The following USP7 variants were observed in gnomAD, a reference collection of about 807,000 sequenced individuals.
The protein encoded by USP7 is ubiquitin C-terminal hydrolase 7.
USP7 carries 9 observed loss-of-function variants against 162.9 expected under a neutral mutation model. That is an observed-to-expected ratio of 0.06 (90% CI 0.03 to 0.10). The LOEUF (loss-of-function observed/expected upper bound fraction) is 0.10, where lower values mean the gene tolerates loss of function less well. USP7 is among the 10% of genes least tolerant of loss of function. The pLI is 1.00. For synonymous variants in USP7, 562 were observed against 475.9 expected (o/e 1.18, Z -2.35); for missense variants, 715 against 1,373.7 (o/e 0.52, Z 7.58).
intron 13 of USP7, 84 bp downstream of exon 13, chr16:8,906,342 C>G: frequency 6.7e-7 from 1 of 1,495,070 alleles, no homozygotes; most frequent in Admixed American, 2.2e-5. Context: ...GACAAGGTTC[C>G]GAGTAGGAAC....
intron 2 of USP7, among the ~76,000 whole-genome samples, chr16:8,927,246 C>T (rs1269349991): frequency 2.6e-5 from 4 of 150,996 alleles, no homozygotes; most frequent in Non-Finnish European, 5.9e-5. Context: ...CGCTTGAACC[C>T]GGGAGGCAGA....
At chr16:8,936,762 C>A in intron 1 of USP7, 3 of 1,315,098 alleles carry the variant, frequency 2.3e-6, no homozygotes, top group Non-Finnish European at 9.7e-7. Flanking sequence ...TCTTTAGGAC[C>A]AGAAACATTC....
intron 16 of USP7, 45 bp from the exon 17 acceptor site, chr16:8,902,527 AT>A (rs779324002): frequency 6.5e-7 from 1 of 1,529,244 alleles, no homozygotes; most frequent in Admixed American, 1.8e-5. Context: ...ACACGCTCAT[AT>A]TTTAGTCCTC....
At chr16:8,934,319 A>C (rs1461615159) in intron 1 of USP7, among the ~76,000 whole-genome samples, 1 of 152,194 alleles carries the variant, frequency 6.6e-6, no homozygotes, top group Non-Finnish European at 1.5e-5. Context: ...AGATGCAGTG[A>C]AATCAGACTG....
At chr16:8,951,609 A>G (rs1899554707) in intron 1 of USP7, among the ~76,000 whole-genome samples, 2 of 152,222 alleles carry the variant, frequency 1.3e-5, no homozygotes, top group Admixed American at 1.3e-4. Flanking sequence ...GCATGAGGCT[A>G]TACTTAGGTC....
intron 1 of USP7, among the ~76,000 whole-genome samples, chr16:8,939,240 C>T (rs1898919539): frequency 6.6e-6 from 1 of 152,220 alleles, no homozygotes; most frequent in African/African-American, 2.4e-5. Context: ...CCTCCAGTGG[C>T]CCTGTTACGA....
At chr16:8,955,772 C>CA (rs1899773041) in intron 1 of USP7, among the ~76,000 whole-genome samples, 1 of 151,548 alleles carries the variant, frequency 6.6e-6, no homozygotes, top group African/African-American at 2.4e-5. Context: ...ATTTATTCCC[C>CA]AAAGTCTTAT....
intron 2 of USP7, among the ~76,000 whole-genome samples, chr16:8,928,736 C>A (rs1898154240): frequency 6.6e-6 from 1 of 152,178 alleles, no homozygotes; most frequent in Non-Finnish European, 1.5e-5. Context: ...TACGCTTTTT[C>A]CATCAAGGAG....
rs567490269 is a variant in USP7, at chr16:8,897,090, G to C, written c.2728C>G (p.Leu910Val). Residue 910 changes from leucine (L) to valine (V), a missense_variant, in exon 26 of 31, where the codon CTA becomes GTA. Physicochemically the swap from Leu to Val is conservative, Grantham distance 32. Transcript: ENST00000344836. ...ACACACCCATGCTTGTCTGGATATA[G>C]TGTTATTTCCTAAGTAATGAAAAGA... ...NSQFREEEITLYPDKHGCVRD... is the reference protein window; with the variant it reads ...NSQFREEEITVYPDKHGCVRD... The C allele has an allele frequency of 6.2e-7, 1 of 1,611,376 alleles. No individual in the cohort carries two copies. Among genetic ancestry groups the C allele is most frequent in the Non-Finnish European group, 8.5e-7 (1 of 1,177,572 alleles).
chr16:8,916,350 T>C (rs1234277985), intron 8 of USP7, 152 bp downstream of exon 8: 15 of 731,980 alleles, frequency 2.0e-5, no homozygotes, highest in Non-Finnish European at 2.6e-5. Context: ...CCTTTATAAC[T>C]AGACATCTGC....
intron 1 of USP7, chr16:8,956,365 T>G (rs1235679006): frequency 6.6e-6 from 1 of 152,188 alleles, no homozygotes; most frequent in Non-Finnish European, 1.5e-5. Context: ...AAGTTAAAGC[T>G]CCTGGCAGAT....
intron 3 of USP7, among the ~76,000 whole-genome samples, chr16:8,922,417 G>A (rs1193910047): frequency 2.0e-5 from 3 of 152,242 alleles, no homozygotes; most frequent in African/African-American, 7.2e-5. Context: ...GAACCCGGGA[G>A]GTGGAGGTTG....
chr16:8,933,243 T>A (rs760889556), intron 1 of USP7, among the ~76,000 whole-genome samples: 2 of 152,008 alleles, frequency 1.3e-5, no homozygotes, highest in Non-Finnish European at 2.9e-5. Flanking sequence ...CAGCTCCCAA[T>A]AGAATGTTAA....
At chr16:8,938,808 T>C (rs1898896279) in intron 1 of USP7, among the ~76,000 whole-genome samples, 1 of 152,208 alleles carries the variant, frequency 6.6e-6, no homozygotes, top group African/African-American at 2.4e-5. Context: ...ACCAACTATT[T>C]ACATAGCATT....
Position 8,917,121 on chromosome 16 carries a change from C to A in USP7, c.756G>T (p.Ser252=). The change falls in exon 7 of 31, where the codon TCG becomes TCT. Residue 252 remains serine, a synonymous_variant. Transcript: ENST00000344836. ...GTAATGCTAAAGGGACGCTTTTAGA[C>A]GAATCATCCCCCTCGGTTGGCATCA... is the stretch of plus-strand genomic sequence containing the variant. The part of the protein sequence containing the change: ...VYMMPTEGDD[S]SKSVPLALQR... 1 of 1,613,210 alleles carries A rather than the reference C, an allele frequency of 6.2e-7. No individual in the cohort carries two copies. The highest frequency in any genetic ancestry group is 2.2e-5 in the East Asian group (1 of 44,854).
intron 6 of USP7, among the ~76,000 whole-genome samples, chr16:8,917,625 C>A (rs1897446803): frequency 6.6e-6 from 1 of 152,202 alleles, no homozygotes; most frequent in Non-Finnish European, 1.5e-5. Flanking sequence ...GGGATCTGCC[C>A]ACCTTGGCCT....
At chr16:8,898,841 C>A (rs2141167491) in intron 23 of USP7, 1 of 611,006 alleles carries the variant, frequency 1.6e-6, no homozygotes, top group South Asian at 2.1e-5. Context: ...GCAATAGTGA[C>A]AAAACACACA....
At chr16:8,953,296 G>C (rs1033760478) in intron 1 of USP7, among the ~76,000 whole-genome samples, 1 of 152,114 alleles carries the variant, frequency 6.6e-6, no homozygotes, top group Non-Finnish European at 1.5e-5. Context: ...TTCTGAGGCA[G>C]TCCCATCCGG....
chr16:8,916,078 G>A (rs979523370), intron 8 of USP7, among the ~76,000 whole-genome samples: 2 of 152,206 alleles, frequency 1.3e-5, no homozygotes, highest in Non-Finnish European at 2.9e-5. Context: ...GGCGCGGGGA[G>A]AGTAATCACC....
Sources: allele counts gnomAD v4.1 joint callset (sites outside exome capture counted in the v4.1 genomes callset), GRCh38; gene constraint gnomAD v4.1.1; transcripts MANE v1.5; gene names NCBI Gene and HGNC (gene_info 2026-07-23, HGNC 2026-07-21).